The following LNX2 variants were observed in gnomAD, a reference collection of about 807,000 sequenced individuals.
LNX2 encodes ligand of Numb protein X 2.
In LNX2, 35 loss-of-function variants were observed where a neutral mutation model predicts 66.2. The ratio of observed to expected loss-of-function variants is 0.53; its 90% CI spans 0.40 to 0.70. LNX2 has a LOEUF of 0.70. LNX2 is among the 30% of genes least tolerant of loss of function. The pLI is 0.00. For missense variants in LNX2, 791 were observed against 850.8 expected (o/e 0.93, Z 0.87); for synonymous variants, 337 against 315.6 (o/e 1.07, Z -0.72).
intron 2 of LNX2, 141 bp from the exon 3 acceptor site, chr13:27,569,417 A>T (rs1955250156): frequency 1.3e-6 from 1 of 789,276 alleles, no homozygotes; most frequent in Admixed American, 2.8e-5. Flanking sequence ...TCTGATCCTA[A>T]TCTCCACTCA....
intron 1 of LNX2, among the ~76,000 whole-genome samples, chr13:27,610,708 A>T (rs1955763091): frequency 1.3e-5 from 2 of 152,208 alleles, no homozygotes; most frequent in Admixed American, 1.3e-4. Flanking sequence ...AAAAGGAGAA[A>T]ATATTTGCAA....
chr13:27,593,414 T>C (rs1361029487), intron 1 of LNX2, among the ~76,000 whole-genome samples: 1 of 152,170 alleles, frequency 6.6e-6, no homozygotes, highest in Non-Finnish European at 1.5e-5. Flanking sequence ...CTAAAAGGGC[T>C]TCTACCTCCA....
chr13:27,603,286 A>G (rs73448807), intron 1 of LNX2, among the ~76,000 whole-genome samples: 3,390 of 152,292 alleles, frequency 0.022, 137 homozygotes, highest in African/African-American at 0.077. Flanking sequence ...CTATACTAAA[A>G]TATTTAGTCA....
intron 1 of LNX2, among the ~76,000 whole-genome samples, chr13:27,616,358 A>G (rs564802157): frequency 6.6e-6 from 1 of 152,294 alleles, no homozygotes; most frequent in South Asian, 2.1e-4. Context: ...GCCTTCAGGT[A>G]GTAGGCTTCG....
At chr13:27,581,847 A>C in intron 1 of LNX2, 44 bp from the exon 2 acceptor site, 9 of 575,230 alleles carry the variant, frequency 1.6e-5, no homozygotes, top group Admixed American at 1.1e-4. Context: ...AATTAATATC[A>C]ATCAAGATAG....
chr13:27,603,329 G>A (rs944432392), intron 1 of LNX2, among the ~76,000 whole-genome samples: 1 of 151,978 alleles, frequency 6.6e-6, no homozygotes, highest in Non-Finnish European at 1.5e-5. Context: ...TTGGAACTAC[G>A]TCCTCTAATT....
chr13:27,601,790 G>A (rs1242557245), intron 1 of LNX2, among the ~76,000 whole-genome samples: 2 of 152,070 alleles, frequency 1.3e-5, no homozygotes, highest in Admixed American at 1.3e-4. Flanking sequence ...GGGCTCAAGC[G>A]ATCCTCCCAC....
chr13:27,588,323 G>C (rs1266453125), intron 1 of LNX2, among the ~76,000 whole-genome samples: 1 of 152,300 alleles, frequency 6.6e-6, no homozygotes, highest in Non-Finnish European at 1.5e-5. Flanking sequence ...CTATACCACA[G>C]AGTTTTACTC....
At chr13:27,578,481 T>G (rs369882913) in intron 2 of LNX2, among the ~76,000 whole-genome samples, 1 of 152,308 alleles carries the variant, frequency 6.6e-6, no homozygotes, top group East Asian at 1.9e-4. Flanking sequence ...AGAACATGGC[T>G]GCAAATTTTT....
chr13:27,554,100 A>G (rs933878896), intron 7 of LNX2, among the ~76,000 whole-genome samples: 7 of 152,240 alleles, frequency 4.6e-5, no homozygotes, highest in African/African-American at 1.2e-4. Flanking sequence ...TTTGTGCTAC[A>G]AAGTCTACAG....
Position 27,562,461 on chromosome 13 carries a change from C to T in LNX2, c.1176G>A (p.Gly392=). ...SSNDRVLAIN[G]HDLKYGTPEL... ...CCGGAGTTCCATACTTCAGGTCGTG[C>T]CCATTGATGGCCAGCACTCGGTCAT... Residue 392 remains glycine (G), a synonymous_variant, in exon 5 of 10, where the codon GGG becomes GGA. Coordinates refer to ENST00000316334, the MANE Select transcript of LNX2 (RefSeq NM_153371.4). 1.2e-6 allele frequency: 2 copies of T among 1,614,132 alleles called. No homozygotes were observed. The highest frequency in any genetic ancestry group is 1.7e-6 in the Non-Finnish European group (2 of 1,179,988).
intron 1 of LNX2, among the ~76,000 whole-genome samples, chr13:27,611,872 G>C (rs899549952): frequency 4.6e-5 from 7 of 152,170 alleles, no homozygotes; most frequent in Non-Finnish European, 7.3e-5. Flanking sequence ...GAAGAATGTG[G>C]GGTCAATGGA....
chr13:27,616,321 A>T (rs888803842), intron 1 of LNX2, among the ~76,000 whole-genome samples: 1 of 152,168 alleles, frequency 6.6e-6, no homozygotes, highest in Non-Finnish European at 1.5e-5. Context: ...AGGATTGTGG[A>T]GACCCAAGTT....
chr13:27,581,329 T>C lies in LNX2; in HGVS notation c.375A>G (p.Gln125=), dbSNP rs1387398579. Residue 125 remains glutamine, a synonymous_variant, in exon 2 of 10, where the codon CAA becomes CAG. Transcript: ENST00000316334. ...PFSSVCKDVM[Q]RCDLEAHLKN... is the part of the protein sequence containing the mutation. ...TGAGATGTGCCTCCAGATCACAACG[T>C]TGCATTACATCTTTGCACACTGAAG... is the stretch of plus-strand genomic sequence containing the variant. 2.0e-6 allele frequency: 3 copies of C among 1,516,024 alleles called. No homozygotes were observed. Among genetic ancestry groups the C allele is most frequent in the African/African-American group, 1.4e-5 (1 of 71,910 alleles). The allele number at this position is 1,516,024 out of a possible 1,614,324, so 93.9% of individuals were successfully genotyped here.
At chr13:27,549,429 C>G (rs932952140) in intron 9 of LNX2, among the ~76,000 whole-genome samples, 3 of 152,128 alleles carry the variant, frequency 2.0e-5, no homozygotes, top group Admixed American at 6.5e-5. Flanking sequence ...TCCCAGTGCC[C>G]GGGCTTTGAT....
At chr13:27,610,652 T>G (rs1955762574) in intron 1 of LNX2, among the ~76,000 whole-genome samples, 1 of 152,122 alleles carries the variant, frequency 6.6e-6, no homozygotes, top group Non-Finnish European at 1.5e-5. Flanking sequence ...TGGGACTACA[T>G]TAAAATTAAA....
intron 1 of LNX2, among the ~76,000 whole-genome samples, chr13:27,617,424 G>A (rs1339680702): frequency 1.3e-5 from 2 of 152,150 alleles, no homozygotes; most frequent in Non-Finnish European, 2.9e-5. Flanking sequence ...CCTGTAAGCA[G>A]GAAGGAAAGT....
chr13:27,610,323 T>C (rs906549844), intron 1 of LNX2, among the ~76,000 whole-genome samples: 1 of 152,216 alleles, frequency 6.6e-6, no homozygotes, highest in African/African-American at 2.4e-5. Context: ...CACACTAAAA[T>C]ATACTATGAA....
chr13:27,605,135 C>T (rs914378052), intron 1 of LNX2, among the ~76,000 whole-genome samples: 3 of 152,130 alleles, frequency 2.0e-5, no homozygotes, highest in African/African-American at 7.2e-5. Flanking sequence ...AAATATTTCA[C>T]TACGTAAGCT....
Sources: gnomAD v4.1 joint callset for allele counts (sites outside exome capture counted in the v4.1 genomes callset) on GRCh38, gnomAD v4.1.1 for gene constraint, MANE v1.5 for transcripts, NCBI Gene and HGNC (gene_info 2026-07-23, HGNC 2026-07-21) for gene names.